The following AMZ2 variants were observed in gnomAD, a reference collection of about 807,000 sequenced individuals.
The protein encoded by AMZ2 is archaelysin family metallopeptidase 2.
In AMZ2, 26 loss-of-function variants were observed where a neutral mutation model predicts 36.7. The observed-to-expected ratio is 0.71, with a 90% CI of 0.52 to 0.98. The LOEUF (loss-of-function observed/expected upper bound fraction) is 0.98. AMZ2 is among the 50% of genes least tolerant of loss of function. The probability of loss-of-function intolerance (pLI) is 0.00; values close to 1 mark genes in which losing one functional copy is unlikely to be tolerated. For synonymous variants in AMZ2, 144 were observed against 149.1 expected, an observed-to-expected ratio of 0.97 and a Z score of 0.25; for missense variants, 394 against 430.5, an observed-to-expected ratio of 0.92 and a Z score of 0.75.
intron 1 of AMZ2, among the ~76,000 whole-genome samples, chr17:68,234,755 G>A (rs2073747344): frequency 6.6e-6 from 1 of 151,504 alleles, no homozygotes; most frequent in East Asian, 1.9e-4. Flanking sequence ...GTGAAGAGTG[G>A]GTGACAGAGT....
chr17:68,214,615 C>G (rs2073148569), intron 1 of AMZ2, among the ~76,000 whole-genome samples: 1 of 152,128 alleles, frequency 6.6e-6, no homozygotes, highest in Non-Finnish European at 1.5e-5. Context: ...AGAGACACCC[C>G]TCCTTGTTAT....
At chr17:68,217,449 CT>C (rs1269562809) in intron 1 of AMZ2, among the ~76,000 whole-genome samples, 3 of 152,164 alleles carry the variant, frequency 2.0e-5, no homozygotes, top group Non-Finnish European at 4.4e-5. Flanking sequence ...ATAGGATTAT[CT>C]TTTTCCATGC....
At chr17:68,209,632 A>ATATTTT in intron 1 of AMZ2, among the ~76,000 whole-genome samples, 14 of 90,690 alleles carry the variant, frequency 1.5e-4, no homozygotes, top group African/African-American at 6.4e-4. Flanking sequence ...ATATATATAT[A>ATATTTT]TTTTTTTTTT....
chr17:68,256,716 T>C (rs1555742947), intron 6 of AMZ2, 98 bp from the exon 7 acceptor site: 6 of 1,237,766 alleles, frequency 4.8e-6, no homozygotes, highest in Non-Finnish European at 6.8e-6. Context: ...CTTCATGGGG[T>C]AATATGTCAC....
At chr17:68,238,133 T>C (rs2144632226) in intron 1 of AMZ2, among the ~76,000 whole-genome samples, 1 of 152,314 alleles carries the variant, frequency 6.6e-6, no homozygotes, top group Middle Eastern at 3.4e-3. Flanking sequence ...GCTGGGGACA[T>C]CACCAAGAGG....
Position 68,248,084 on chromosome 17 carries a change from C to T in AMZ2, c.-622C>T. On this transcript the variant is annotated 5_prime_UTR_variant, in exon 1 of 7. Transcript: ENST00000359904. ...GTGCGCATGCGCGTGAGGGCTGCCG[C>T]GGGTGGGTGGTATCGAGGCCTGTCG... 3.0e-6 allele frequency: 3 copies of T among 986,164 alleles called. No individual in the cohort carries two copies. The highest frequency in any genetic ancestry group is 3.6e-6 in the Non-Finnish European group (3 of 830,450). 61.1% of individuals were successfully genotyped at this position (986,164 alleles called of 1,614,324 possible).
At chr17:68,247,919 G>T, upstream of AMZ2, 6 of 985,546 alleles carry the variant, frequency 6.1e-6, no homozygotes, top group Non-Finnish European at 7.2e-6. Context: ...CTGCCCAGGC[G>T]GCCGCACGCT....
upstream of AMZ2, among the ~76,000 whole-genome samples, chr17:68,245,555 GTTAT>G (rs1428696216): frequency 2.0e-5 from 3 of 152,042 alleles, no homozygotes; most frequent in Non-Finnish European, 2.9e-5. Context: ...TGCCTGGTCA[GTTAT>G]TTAAGAAAAT....
At chr17:68,254,636 G>T (rs1167218698) in intron 5 of AMZ2, 69 bp downstream of exon 5, 2 of 1,336,404 alleles carry the variant, frequency 1.5e-6, no homozygotes, top group South Asian at 2.8e-5. Context: ...ACTGTATATT[G>T]TCAGTCCGTA....
At chr17:68,221,380 C>T (rs1238824672) in intron 1 of AMZ2, among the ~76,000 whole-genome samples, 1 of 151,998 alleles carries the variant, frequency 6.6e-6, no homozygotes, top group Non-Finnish European at 1.5e-5. Flanking sequence ...CTTTAATTTA[C>T]CTAGACCTAA....
intron 1 of AMZ2, among the ~76,000 whole-genome samples, chr17:68,219,790 TCC>T (rs2073299973): frequency 6.6e-6 from 1 of 151,792 alleles, no homozygotes; most frequent in Admixed American, 6.6e-5. Flanking sequence ...CACCTCAGTC[TCC>T]CGAAGTGCTG....
chr17:68,238,295 C>T (rs12450447), intron 1 of AMZ2, among the ~76,000 whole-genome samples: 33,137 of 151,942 alleles, frequency 0.22, 4,085 homozygotes, highest in East Asian at 0.4. Context: ...AATCCTCCCA[C>T]CTCAGCCTTC....
chr17:68,239,445 T>C lies in AMZ2; in HGVS notation c.-66-9195T>C, dbSNP rs150742047. 1.4e-4 allele frequency among the ~76,000 whole-genome samples: 22 copies of C among 152,324 alleles called. No homozygotes were observed. The East Asian group carries it at 4.2e-3, about 29-fold the overall frequency. On this transcript the variant is annotated intron_variant, in intron 1 of 7. Transcript: ENST00000674770. ...AGGGGAAAAGCAAAAGGAGCAGATA[T>C]GAATTCACACTAGTAGGTGAATCAT... is the stretch of plus-strand genomic sequence containing the variant.
chr17:68,244,125 A>G (rs1361382580), upstream of AMZ2, among the ~76,000 whole-genome samples: 1 of 152,204 alleles, frequency 6.6e-6, no homozygotes, highest in African/African-American at 2.4e-5. Flanking sequence ...ATACATATGG[A>G]AAAATGGAAG....
At chr17:68,224,449 C>T (rs2073458077) in intron 1 of AMZ2, among the ~76,000 whole-genome samples, 1 of 152,124 alleles carries the variant, frequency 6.6e-6, no homozygotes, top group African/African-American at 2.4e-5. Context: ...GCTTGCCTTA[C>T]CTATAACACC....
intron 4 of AMZ2, among the ~76,000 whole-genome samples, chr17:68,252,025 T>C (rs1252398190): frequency 6.6e-6 from 1 of 152,170 alleles, no homozygotes; most frequent in Non-Finnish European, 1.5e-5. Flanking sequence ...TTAACCTTTT[T>C]TTTTTTTTGT....
In AMZ2 at chr17:68,256,984, G is replaced by C; in HGVS notation, c.*15G>C. ...TCCAAAAATGAGGACCTTCAAATAG[G>C]AGTGATTGAAATAAATAACTACTTG... On this transcript the variant is annotated 3_prime_UTR_variant, in exon 7 of 7. Coordinates refer to ENST00000359904, the MANE Select transcript of AMZ2 (RefSeq NM_016627.5). 1 of 1,608,604 alleles carries C rather than the reference G, an allele frequency of 6.2e-7. No homozygotes were observed. The highest frequency in any genetic ancestry group is 8.5e-7 in the Non-Finnish European group (1 of 1,177,658).
At chr17:68,212,715 C>T (rs1462976938) in intron 1 of AMZ2, among the ~76,000 whole-genome samples, 1 of 152,016 alleles carries the variant, frequency 6.6e-6, no homozygotes, top group Admixed American at 6.6e-5. Context: ...TATACAGGTG[C>T]ACACCACCAC....
chr17:68,255,953 T>C, intron 6 of AMZ2, 77 bp downstream of exon 6: 1 of 1,395,460 alleles, frequency 7.2e-7, no homozygotes, highest in Non-Finnish European at 9.7e-7. Context: ...ATTATATCCT[T>C]CTCTGGAGTT....
Sources: allele counts gnomAD v4.1 joint callset (sites outside exome capture counted in the v4.1 genomes callset), GRCh38; gene constraint gnomAD v4.1.1; transcripts MANE v1.5; gene names NCBI Gene and HGNC (gene_info 2026-07-23, HGNC 2026-07-21).